FSIP1: variants seen among roughly 807,000 people sequenced by gnomAD.
FSIP1 encodes fibrous sheath interacting protein 1.
FSIP1 carries 65 observed loss-of-function variants against 60.9 expected under a neutral mutation model. The observed-to-expected ratio is 1.07, with a 90% CI of 0.87 to 1.31. The LOEUF (loss-of-function observed/expected upper bound fraction) is 1.31. Among genes scored for constraint, FSIP1 ranks in the 40% most tolerant of loss-of-function variants. The pLI is 0.00. For missense variants in FSIP1, 675 were observed against 665.5 expected (o/e 1.01, Z -0.16); for synonymous variants, 209 against 221.2 (o/e 0.94, Z 0.49).
chr15:39,605,661 G>A lies in FSIP1; in HGVS notation c.1700-4735C>T, dbSNP rs140872132. Among the ~76,000 whole-genome samples the A allele has an allele frequency of 1.4e-3, 211 of 152,316 alleles. 1 individual carries two copies. The highest frequency in any genetic ancestry group is 4.9e-3 in the African/African-American group (203 of 41,560). ...GGAGAATACACATGCCTTCTAAGGGGAGCATCTGCTACTCAGCTCCCGTGG... is the reference window on the plus strand; with the variant it reads ...GGAGAATACACATGCCTTCTAAGGGAAGCATCTGCTACTCAGCTCCCGTGG... On this transcript the variant is annotated intron_variant, in intron 11 of 11. Coordinates refer to ENST00000350221, the MANE Select transcript of FSIP1 (RefSeq NM_152597.5).
At chr15:39,708,499 A>G (rs1211243241) in intron 10 of FSIP1, among the ~76,000 whole-genome samples, 8 of 152,148 alleles carry the variant, frequency 5.3e-5, no homozygotes, top group African/African-American at 1.9e-4. Context: ...CACTATAAAG[A>G]ATCAAATTAA....
At position 39,713,537 on chromosome 15, in the gene FSIP1, T is replaced by C. The variant is rs1229801975; in HGVS notation, c.1095A>G (p.Gly365=). The change falls in exon 10 of 12, where the codon GGA becomes GGG. Residue 365 remains glycine (G), a synonymous_variant. Transcript: ENST00000350221. The stretch of plus-strand genomic sequence containing the variant: ...CTTTGGTGTTCCTAAGTATCTTTTC[T>C]CCTGGAGTTACTTCCATATTTCTTT... ...DGERNMEVTP[G]EKILRNTKEQ... is the part of the protein sequence containing the mutation. 8 of 1,608,432 alleles carry C rather than the reference T, an allele frequency of 5.0e-6. No individual in the cohort carries two copies. The highest frequency in any genetic ancestry group is 1.7e-5 in the Admixed American group (1 of 59,186).
chr15:39,699,231 T>A (rs974213705), intron 10 of FSIP1, among the ~76,000 whole-genome samples: 1 of 152,214 alleles, frequency 6.6e-6, no homozygotes, highest in African/African-American at 2.4e-5. Context: ...ATTTTATCAG[T>A]AAGGAAGAAC....
At chr15:39,615,892 G>A (rs941629503) in intron 11 of FSIP1, among the ~76,000 whole-genome samples, 1 of 152,032 alleles carries the variant, frequency 6.6e-6, no homozygotes, top group African/African-American at 2.4e-5. Context: ...GCACAGCAGG[G>A]TAACTACAGT....
At chr15:39,663,317 T>C (rs994035012) in intron 10 of FSIP1, among the ~76,000 whole-genome samples, 9 of 152,092 alleles carry the variant, frequency 5.9e-5, no homozygotes, top group South Asian at 2.1e-4. Flanking sequence ...CCACAAATAA[T>C]TGATATCACA....
chr15:39,650,585 GAC>G (rs1892825065), intron 10 of FSIP1, among the ~76,000 whole-genome samples: 1 of 152,162 alleles, frequency 6.6e-6, no homozygotes, highest in Non-Finnish European at 1.5e-5. Context: ...TGATGGCTGA[GAC>G]AGGTTGAAAT....
intron 10 of FSIP1, among the ~76,000 whole-genome samples, chr15:39,629,832 T>G (rs1434155101): frequency 1.3e-5 from 2 of 152,232 alleles, no homozygotes; most frequent in African/African-American, 2.4e-5. Flanking sequence ...AGATATCACT[T>G]TGAGCACCCT....
At chr15:39,676,022 A>C (rs79073712) in intron 10 of FSIP1, among the ~76,000 whole-genome samples, 2 of 151,638 alleles carry the variant, frequency 1.3e-5, no homozygotes, top group Non-Finnish European at 2.9e-5. Flanking sequence ...AAAAAAAAAA[A>C]AATAGCCGTG....
chr15:39,691,981 G>A (rs1342342687), intron 10 of FSIP1, among the ~76,000 whole-genome samples: 1 of 152,144 alleles, frequency 6.6e-6, no homozygotes, highest in African/African-American at 2.4e-5. Flanking sequence ...TGTGCTGTCA[G>A]TAAAATGTAA....
chr15:39,623,398 C>A (rs1891517516), intron 10 of FSIP1, among the ~76,000 whole-genome samples: 1 of 152,122 alleles, frequency 6.6e-6, no homozygotes. Context: ...CCTAAAGACC[C>A]ACCCTATGAA....
At chr15:39,636,233 G>A (rs74457966) in intron 10 of FSIP1, among the ~76,000 whole-genome samples, 1,736 of 152,210 alleles carry the variant, frequency 0.011, 41 homozygotes, top group African/African-American at 0.039. Context: ...AGAACCTCTG[G>A]TTAAGTGCTC....
At chr15:39,635,249 C>T (rs951340182) in intron 10 of FSIP1, among the ~76,000 whole-genome samples, 2 of 151,858 alleles carry the variant, frequency 1.3e-5, no homozygotes, top group African/African-American at 2.4e-5. Flanking sequence ...GCAGGAGAAT[C>T]GCTTGAACCA....
Position 39,770,623 on chromosome 15 carries a change from T to TTA in FSIP1, c.127-14_127-13insTA. On this transcript the variant is annotated splice_polypyrimidine_tract_variant and intron_variant, in intron 2 of 11. Transcript: ENST00000350221. ...TTGCAGTATCGACCTAAAAATAATT[T>TTA]CAAAAAAAAAACAGTTTCCGAAAAT... is the stretch of plus-strand genomic sequence containing the variant. 2.2e-6 allele frequency: 3 copies of TTA among 1,339,080 alleles called. No homozygotes were observed. The highest frequency in any genetic ancestry group is 1.6e-5 in the South Asian group (1 of 62,396). The allele number at this position is 1,339,080 out of a possible 1,614,324, so 82.9% of individuals were successfully genotyped here.
intron 10 of FSIP1, among the ~76,000 whole-genome samples, chr15:39,692,732 A>C (rs1894651421): frequency 6.6e-6 from 1 of 152,120 alleles, no homozygotes; most frequent in Non-Finnish European, 1.5e-5. Flanking sequence ...TATTAGAGAG[A>C]AGACCCTAGG....
intron 10 of FSIP1, among the ~76,000 whole-genome samples, chr15:39,645,664 G>T (rs901515262): frequency 6.6e-6 from 1 of 152,218 alleles, no homozygotes; most frequent in Non-Finnish European, 1.5e-5. Flanking sequence ...GGAGCTCCTG[G>T]CTGCAGCTGC....
At chr15:39,779,563 G>A (rs1207754660) in intron 1 of FSIP1, among the ~76,000 whole-genome samples, 1 of 152,138 alleles carries the variant, frequency 6.6e-6, no homozygotes. Flanking sequence ...TTTTTGCTCT[G>A]TCTTTTTCAA....
intron 5 of FSIP1, among the ~76,000 whole-genome samples, chr15:39,742,954 CTG>C (rs1004544577): frequency 1.3e-5 from 2 of 152,116 alleles, no homozygotes; most frequent in Non-Finnish European, 2.9e-5. Context: ...AGATTTAAAA[CTG>C]TTTCTGAACT....
At chr15:39,658,375 G>A (rs1893157012) in intron 10 of FSIP1, among the ~76,000 whole-genome samples, 1 of 151,098 alleles carries the variant, frequency 6.6e-6, no homozygotes, top group Non-Finnish European at 1.5e-5. Flanking sequence ...TCAGCCTCCT[G>A]AGTAGCTGGG....
intron 9 of FSIP1, among the ~76,000 whole-genome samples, chr15:39,726,384 A>G (rs1255056884): frequency 6.6e-6 from 1 of 152,180 alleles, no homozygotes; most frequent in Non-Finnish European, 1.5e-5. Flanking sequence ...ATAATATTAA[A>G]AGAAATATTT....
Sources: allele counts gnomAD v4.1 joint callset (sites outside exome capture counted in the v4.1 genomes callset), GRCh38; gene constraint gnomAD v4.1.1; transcripts MANE v1.5; gene names NCBI Gene and HGNC (gene_info 2026-07-23, HGNC 2026-07-21).